SLC26A7: variants seen among roughly 807,000 people sequenced by gnomAD.
The protein encoded by SLC26A7 is anion exchange transporter.
Under a neutral mutation model 82.5 loss-of-function variants are expected in SLC26A7, and 59 were observed. The observed-to-expected ratio is 0.72, with a 90% CI of 0.58 to 0.89. The LOEUF is 0.89. Ranked by LOEUF, SLC26A7 falls within the 40% of genes least tolerant of loss-of-function variation. The probability of loss-of-function intolerance (pLI) is 0.00; values close to 1 mark genes in which losing one functional copy is unlikely to be tolerated. For missense variants in SLC26A7, 820 were observed against 793.0 expected (o/e 1.03, Z -0.41); for synonymous variants, 271 against 274.3 (o/e 0.99, Z 0.12).
chr8:91,342,026 CA>C (rs1328352267), intron 8 of SLC26A7, among the ~76,000 whole-genome samples: 3 of 152,138 alleles, frequency 2.0e-5, no homozygotes, highest in African/African-American at 7.2e-5. Flanking sequence ...CTCCTGGGCT[CA>C]AATCATCCTC....
At chr8:91,259,635 C>T (rs7814787) in intron 2 of SLC26A7, among the ~76,000 whole-genome samples, 30,199 of 151,860 alleles carry the variant, frequency 0.2, 3,776 homozygotes, top group African/African-American at 0.35. Context: ...TATATTGGAC[C>T]GCACTTAGTA....
chr8:91,334,271 T>C (rs771745464), intron 5 of SLC26A7, 24 bp from the exon 6 acceptor site: 1 of 1,592,678 alleles, frequency 6.3e-7, no homozygotes, highest in South Asian at 1.1e-5. Context: ...TGAATTTTGT[T>C]TGTATTTTTT....
chr8:91,337,999 T>G (rs966999259), intron 6 of SLC26A7, 151 bp from the exon 7 acceptor site: 2 of 456,562 alleles, frequency 4.4e-6, no homozygotes, highest in African/African-American at 4.1e-5. Context: ...ACTTTTAATA[T>G]TTTATTTATT....
chr8:91,353,977 T>A (rs1446214806), intron 11 of SLC26A7, among the ~76,000 whole-genome samples: 1 of 151,952 alleles, frequency 6.6e-6, no homozygotes, highest in Non-Finnish European at 1.5e-5. Flanking sequence ...TTGGGGAAAA[T>A]AGAGGCAGAA....
At chr8:91,258,404 C>G (rs149575461) in intron 2 of SLC26A7, among the ~76,000 whole-genome samples, 23 of 148,330 alleles carry the variant, frequency 1.6e-4, no homozygotes, top group African/African-American at 3.7e-4. Flanking sequence ...AGTCACCCCC[C>G]CATCTACACA....
intron 15 of SLC26A7, among the ~76,000 whole-genome samples, chr8:91,386,107 G>A (rs140850348): frequency 6.6e-6 from 1 of 152,236 alleles, no homozygotes; most frequent in African/African-American, 2.4e-5. Context: ...TGTTTGCCAT[G>A]GCTGTGGATA....
chr8:91,314,703 C>A (rs530854042), intron 4 of SLC26A7, among the ~76,000 whole-genome samples: 10 of 152,240 alleles, frequency 6.6e-5, no homozygotes, highest in African/African-American at 2.2e-4. Context: ...CTTGACCTTT[C>A]AGAGTCAAGA....
At chr8:91,394,555 T>C in intron 18 of SLC26A7, 2 of 1,237,778 alleles carry the variant, frequency 1.6e-6, no homozygotes, top group Non-Finnish European at 2.0e-6. Flanking sequence ...CTTAGAGCTT[T>C]AATTTCCTGC....
chr8:91,344,018 T>C (rs1018739082), intron 9 of SLC26A7: 21 of 976,230 alleles, frequency 2.2e-5, no homozygotes, highest in Non-Finnish European at 2.4e-5. Flanking sequence ...AAGATGATGA[T>C]GATGATGACG....
At chr8:91,318,172 G>T in intron 4 of SLC26A7, 44 bp from the exon 5 acceptor site, 1 of 1,540,692 alleles carries the variant, frequency 6.5e-7, no homozygotes, top group Non-Finnish European at 8.8e-7. Context: ...GAACTTTGGG[G>T]AGTTTCATCT....
chr8:91,268,515 A>C (rs1039173720), intron 2 of SLC26A7, among the ~76,000 whole-genome samples: 1 of 151,526 alleles, frequency 6.6e-6, no homozygotes, highest in South Asian at 2.1e-4. Context: ...CTTTCAGTCT[A>C]TGTGTCCCTT....
chr8:91,291,637 A>G (rs994825346), intron 3 of SLC26A7, among the ~76,000 whole-genome samples: 11 of 152,230 alleles, frequency 7.2e-5, no homozygotes, highest in African/African-American at 2.4e-4. Flanking sequence ...ATACTTAAAT[A>G]CGTACTTACA....
intron 7 of SLC26A7, among the ~76,000 whole-genome samples, chr8:91,338,438 T>C (rs1458129475): frequency 6.6e-6 from 1 of 152,176 alleles, no homozygotes; most frequent in East Asian, 1.9e-4. Context: ...ATAATTGCTT[T>C]ATGCAGCATT....
chr8:91,352,867 G>A, intron 10 of SLC26A7, 34 bp from the exon 11 acceptor site: 1 of 1,531,604 alleles, frequency 6.5e-7, no homozygotes, highest in Non-Finnish European at 8.9e-7. Flanking sequence ...AAATTTTTAT[G>A]TTGCTTCTTC....
At chr8:91,333,387 C>G (rs540986411) in intron 5 of SLC26A7, among the ~76,000 whole-genome samples, 2 of 152,188 alleles carry the variant, frequency 1.3e-5, no homozygotes, top group African/African-American at 2.4e-5. Context: ...GGGCTGCACA[C>G]TTTTAAAGAC....
At chr8:91,289,603 C>A (rs958545567) in intron 3 of SLC26A7, among the ~76,000 whole-genome samples, 14 of 151,896 alleles carry the variant, frequency 9.2e-5, no homozygotes, top group African/African-American at 3.1e-4. Flanking sequence ...TGAAATTGCG[C>A]CACTGCGCTG....
intron 4 of SLC26A7, among the ~76,000 whole-genome samples, chr8:91,308,467 A>G (rs1215354668): frequency 6.6e-6 from 1 of 152,194 alleles, no homozygotes; most frequent in African/African-American, 2.4e-5. Context: ...CAGTCTCACC[A>G]CATCATAAAC....
intron 3 of SLC26A7, among the ~76,000 whole-genome samples, chr8:91,290,980 C>G (rs906802201): frequency 1.3e-5 from 2 of 152,026 alleles, no homozygotes; most frequent in Non-Finnish European, 2.9e-5. Context: ...CATCTCAGGC[C>G]TACTGAATTA....
At chr8:91,339,018 T>C (rs949042890) in intron 7 of SLC26A7, among the ~76,000 whole-genome samples, 1 of 152,182 alleles carries the variant, frequency 6.6e-6, no homozygotes, top group Non-Finnish European at 1.5e-5. Flanking sequence ...AAGGGAATGT[T>C]AAAAATCCTA....
Sources: allele counts gnomAD v4.1 joint callset (sites outside exome capture counted in the v4.1 genomes callset), GRCh38; gene constraint gnomAD v4.1.1; transcripts MANE v1.5; gene names NCBI Gene and HGNC (gene_info 2026-07-23, HGNC 2026-07-21).